Variants in SPTLC2 observed in about 807,000 individuals in gnomAD.
SPTLC2 encodes serine palmitoyltransferase long chain base subunit 2.
Under a neutral mutation model 62.0 loss-of-function variants are expected in SPTLC2, and 21 were observed. That is an observed-to-expected ratio of 0.34 (90% CI 0.24 to 0.49). The LOEUF (loss-of-function observed/expected upper bound fraction) is 0.49, where lower values mean the gene tolerates loss of function less well. Among genes scored for constraint, SPTLC2 ranks in the 20% least tolerant of loss-of-function variants. SPTLC2 has a pLI of 0.99. For synonymous variants in SPTLC2, 261 were observed against 261.8 expected (o/e 1.00, Z 0.03); for missense variants, 511 against 713.0 (o/e 0.72, Z 3.23).
intron 1 of SPTLC2, among the ~76,000 whole-genome samples, chr14:77,611,494 G>A (rs1033050767): frequency 2.7e-5 from 4 of 150,442 alleles, no homozygotes; most frequent in Admixed American, 1.3e-4. Context: ...AGAAATTAAC[G>A]GAAAGTAGCA....
At chr14:77,513,964 G>A (rs2079346655) in intron 11 of SPTLC2, among the ~76,000 whole-genome samples, 1 of 151,590 alleles carries the variant, frequency 6.6e-6, no homozygotes, top group Admixed American at 6.6e-5. Flanking sequence ...ACTTTGGGAG[G>A]CCAAGGCAGG....
chr14:77,582,989 C>T (rs748961906), intron 2 of SPTLC2, among the ~76,000 whole-genome samples: 6 of 152,012 alleles, frequency 3.9e-5, no homozygotes, highest in Admixed American at 1.3e-4. Flanking sequence ...CGCTTGAGCC[C>T]AGGAGTTTGA....
At chr14:77,591,689 C>CT (rs1455050986) in intron 2 of SPTLC2, among the ~76,000 whole-genome samples, 1 of 89,936 alleles carries the variant, frequency 1.1e-5, no homozygotes, top group Non-Finnish European at 2.4e-5. Context: ...AAGTAGTGCT[C>CT]TTCTGTATGT....
chr14:77,550,615 C>T (rs1017480324), intron 9 of SPTLC2, among the ~76,000 whole-genome samples: 1 of 141,690 alleles, frequency 7.1e-6, no homozygotes, highest in Non-Finnish European at 1.5e-5. Flanking sequence ...GAAAAGAAAA[C>T]AGTCAGCTGG....
At chr14:77,565,056 G>A (rs148282622) in intron 5 of SPTLC2, among the ~76,000 whole-genome samples, 4 of 151,674 alleles carry the variant, frequency 2.6e-5, no homozygotes, top group East Asian at 3.9e-4. Flanking sequence ...CCTGGCCAAC[G>A]TGGTGAAACC....
intron 9 of SPTLC2, among the ~76,000 whole-genome samples, chr14:77,524,435 C>G (rs2079399185): frequency 6.7e-6 from 1 of 148,162 alleles, no homozygotes; most frequent in Admixed American, 6.7e-5. Flanking sequence ...TAACTAGCCT[C>G]TGTTAAAAAA....
intron 2 of SPTLC2, among the ~76,000 whole-genome samples, chr14:77,593,328 A>G (rs1247432305): frequency 6.6e-6 from 1 of 152,144 alleles, no homozygotes; most frequent in Non-Finnish European, 1.5e-5. Flanking sequence ...CATTTTGTAG[A>G]GATGAGGTTT....
chr14:77,559,690 G>A (rs1343066239), intron 6 of SPTLC2, among the ~76,000 whole-genome samples: 1 of 152,132 alleles, frequency 6.6e-6, no homozygotes, highest in African/African-American at 2.4e-5. Flanking sequence ...AAGAGTTCAA[G>A]ACCAACCTGG....
rs565429609 is a variant in SPTLC2 at position 77,509,868 on chromosome 14, CTT to C, written c.*2414_*2415del. The C allele has an allele frequency of 3.7e-4, 146 of 398,402 alleles. 4 individuals are homozygous for C. In the South Asian group the frequency reaches 0.017, roughly 46 times the overall value. The allele number at this position is 398,402 out of a possible 1,614,324, so 24.7% of individuals were successfully genotyped here. A position where few individuals can be genotyped will look rare whatever the true frequency, so the allele number is the denominator to read the frequency against. On this transcript the variant is annotated 3_prime_UTR_variant, in exon 12 of 12. Transcript: ENST00000216484. ...CAAAATTACACTTATCTTGAAATAACTTTGTACCAACAAAGTGATATAGATAT... is the reference window on the plus strand; with the variant it reads ...CAAAATTACACTTATCTTGAAATAACTGTACCAACAAAGTGATATAGATAT...
At chr14:77,568,585 G>C (rs961582737) in intron 5 of SPTLC2, among the ~76,000 whole-genome samples, 1 of 152,074 alleles carries the variant, frequency 6.6e-6, no homozygotes, top group Admixed American at 6.5e-5. Context: ...GAGGCAGGCA[G>C]ATCATGAGGT....
At chr14:77,550,712 G>C (rs983193209) in intron 9 of SPTLC2, among the ~76,000 whole-genome samples, 4 of 151,806 alleles carry the variant, frequency 2.6e-5, no homozygotes, top group African/African-American at 9.7e-5. Context: ...GACCAACCTG[G>C]GCAACATGGT....
At chr14:77,542,348 G>A (rs56327799) in intron 9 of SPTLC2, among the ~76,000 whole-genome samples, 6,712 of 152,030 alleles carry the variant, frequency 0.044, 340 homozygotes, top group African/African-American at 0.12. Flanking sequence ...CATGTTTCCC[G>A]TAAGTCCTAA....
chr14:77,555,809 G>C (rs982927220), intron 7 of SPTLC2, among the ~76,000 whole-genome samples: 9 of 151,978 alleles, frequency 5.9e-5, no homozygotes, highest in African/African-American at 1.7e-4. Flanking sequence ...AGTAGAGATA[G>C]GGTTTCCTCA....
chr14:77,509,004 C>G lies in SPTLC2; in HGVS notation c.*3280G>C, dbSNP rs1488909065. On this transcript the variant is annotated 3_prime_UTR_variant, in exon 12 of 12. Transcript: ENST00000216484. ...GACAAATCACTGGAAGCATGTTCAA[C>G]TCCTTGGTGTTTGAAGAGGCATGAC... 1 of 152,184 alleles carries G rather than the reference C, an allele frequency of 6.6e-6. No individual in the cohort carries two copies. The highest frequency in any genetic ancestry group is 1.5e-5 in the Non-Finnish European group (1 of 68,038). The allele number at this position is 152,184 out of a possible 1,614,324, so 9.4% of individuals were successfully genotyped here.
chr14:77,521,078 T>A (rs1262992836), intron 10 of SPTLC2, among the ~76,000 whole-genome samples: 1 of 152,212 alleles, frequency 6.6e-6, no homozygotes, highest in East Asian at 1.9e-4. Context: ...ATATAGGTCC[T>A]GCTCTATTTT....
chr14:77,604,866 CAA>C (rs35580409), intron 1 of SPTLC2, among the ~76,000 whole-genome samples: 78 of 94,142 alleles, frequency 8.3e-4, no homozygotes, highest in Middle Eastern at 5.0e-3. Context: ...GACTCTTTCT[CAA>C]AAAAAAAAAA....
At chr14:77,513,454 A>G (rs1193311581) in intron 11 of SPTLC2, among the ~76,000 whole-genome samples, 1 of 152,240 alleles carries the variant, frequency 6.6e-6, no homozygotes, top group Non-Finnish European at 1.5e-5. Flanking sequence ...CTGAACGTCA[A>G]TGTGCTATCA....
chr14:77,581,581 T>C (rs1334212871), intron 2 of SPTLC2, among the ~76,000 whole-genome samples: 1 of 151,580 alleles, frequency 6.6e-6, no homozygotes, highest in African/African-American at 2.4e-5. Flanking sequence ...CAGCTAATTT[T>C]TTGTATTTTT....
intron 1 of SPTLC2, among the ~76,000 whole-genome samples, chr14:77,608,954 A>ATAT: frequency 6.8e-6 from 1 of 147,864 alleles, no homozygotes; most frequent in African/African-American, 2.5e-5. Flanking sequence ...AATAATAATA[A>ATAT]TAATAATAAG....
Sources: allele counts gnomAD v4.1 joint callset (sites outside exome capture counted in the v4.1 genomes callset), GRCh38; gene constraint gnomAD v4.1.1; transcripts MANE v1.5; gene names NCBI Gene and HGNC (gene_info 2026-07-23, HGNC 2026-07-21).